MTHFD2L: variants seen among roughly 807,000 people sequenced by gnomAD.
The protein encoded by MTHFD2L is bifunctional methylenetetrahydrofolate dehydrogenase/cyclohydrolase 2, mitochondrial.
MTHFD2L carries 29 observed loss-of-function variants against 34.9 expected under a neutral mutation model. That is an observed-to-expected ratio of 0.83 (90% CI 0.62 to 1.13). The LOEUF (loss-of-function observed/expected upper bound fraction) is 1.13. MTHFD2L is among the 50% of genes most tolerant of loss of function. The probability of loss-of-function intolerance (pLI) is 0.00; values close to 1 mark genes in which losing one functional copy is unlikely to be tolerated. For synonymous variants in MTHFD2L, 167 were observed against 155.7 expected, an observed-to-expected ratio of 1.07 and a Z score of -0.54; for missense variants, 481 against 446.5, an observed-to-expected ratio of 1.08 and a Z score of -0.70.
intron 5 of MTHFD2L, chr4:74,223,955 T>C (rs1039899135): frequency 1.3e-5 from 2 of 152,116 alleles, no homozygotes; most frequent in African/African-American, 4.8e-5. Context: ...CTGGGTTTGC[T>C]CTTGCATAAT....
At chr4:74,127,034 G>T (rs1578220543) in intron 1 of MTHFD2L, among the ~76,000 whole-genome samples, 1 of 152,174 alleles carries the variant, frequency 6.6e-6, no homozygotes, top group South Asian at 2.1e-4. Context: ...CCTTTGACTT[G>T]GCACTCATTC....
intron 1 of MTHFD2L, among the ~76,000 whole-genome samples, chr4:74,134,239 G>T (rs924432299): frequency 2.0e-5 from 3 of 152,106 alleles, no homozygotes; most frequent in African/African-American, 7.2e-5. Context: ...ATCCTCAGCC[G>T]TAAAAACTCC....
chr4:74,283,958 A>G (rs538397963), intron 7 of MTHFD2L, among the ~76,000 whole-genome samples: 4 of 152,200 alleles, frequency 2.6e-5, no homozygotes, highest in African/African-American at 4.8e-5. Flanking sequence ...CACAAAACTC[A>G]TAAGTAACAT....
intron 5 of MTHFD2L, among the ~76,000 whole-genome samples, chr4:74,203,946 G>A (rs999930599): frequency 5.3e-5 from 8 of 151,166 alleles, no homozygotes; most frequent in African/African-American, 1.2e-4. Flanking sequence ...AACATAACAA[G>A]CAACAGTGTA....
At chr4:74,237,243 C>A (rs898271847) in intron 6 of MTHFD2L, among the ~76,000 whole-genome samples, 1 of 152,210 alleles carries the variant, frequency 6.6e-6, no homozygotes, top group Non-Finnish European at 1.5e-5. Flanking sequence ...TGACCTCCAG[C>A]AGCCAGGACC....
intron 6 of MTHFD2L, among the ~76,000 whole-genome samples, chr4:74,279,970 T>C (rs1237234545): frequency 2.0e-5 from 3 of 152,096 alleles, no homozygotes; most frequent in Non-Finnish European, 4.4e-5. Context: ...AAAATCATGT[T>C]ACAAGGTGAC....
chr4:74,191,010 C>T lies in MTHFD2L; in HGVS notation c.452-8784C>T, dbSNP rs142791841. On this transcript the variant is annotated intron_variant, in intron 3 of 7. Coordinates refer to ENST00000325278, the MANE Select transcript of MTHFD2L (RefSeq NM_001144978.3). ...CTGCCTCCTGGGTTCAAGTGATTCT[C>T]CTGACTCAGCTTCCTGAGTAGCTGG... 1.8e-3 allele frequency among the ~76,000 whole-genome samples: 272 copies of T among 152,202 alleles called. 1 individual carries two copies. Among genetic ancestry groups the T allele is most frequent in the African/African-American group, 5.5e-3 (230 of 41,518 alleles).
intron 1 of MTHFD2L, among the ~76,000 whole-genome samples, chr4:74,165,576 T>C (rs1445776413): frequency 1.3e-5 from 2 of 152,198 alleles, no homozygotes; most frequent in East Asian, 3.8e-4. Flanking sequence ...CAGGCTGGTC[T>C]TGAACTCCTG....
At chr4:74,295,140 C>T (rs1281596203) in intron 7 of MTHFD2L, among the ~76,000 whole-genome samples, 2 of 152,062 alleles carry the variant, frequency 1.3e-5, no homozygotes, top group African/African-American at 4.8e-5. Context: ...CTACAGCTAC[C>T]ATCACCCAAC....
At chr4:74,165,087 G>T (rs964330167) in intron 1 of MTHFD2L, 1 of 511,568 alleles carries the variant, frequency 2.0e-6, no homozygotes, top group Non-Finnish European at 2.5e-6. Context: ...GTAAAAAGGG[G>T]CACGAATGTA....
intron 6 of MTHFD2L, among the ~76,000 whole-genome samples, chr4:74,251,093 T>C: frequency 6.6e-6 from 1 of 152,202 alleles, no homozygotes; most frequent in East Asian, 1.9e-4. Flanking sequence ...ATCTGAGTGA[T>C]GAACTCTAAG....
intron 7 of MTHFD2L, among the ~76,000 whole-genome samples, chr4:74,290,945 A>G (rs1049443720): frequency 1.2e-4 from 18 of 149,172 alleles, no homozygotes; most frequent in Non-Finnish European, 2.4e-4. Context: ...AGTTGTTCCT[A>G]ACTAGATTGG....
chr4:74,149,525 A>T (rs140713821), intron 1 of MTHFD2L, among the ~76,000 whole-genome samples: 23 of 152,360 alleles, frequency 1.5e-4, no homozygotes, highest in African/African-American at 5.3e-4. Flanking sequence ...TGTTAAACTC[A>T]AATAACAAAA....
At chr4:74,210,406 A>G (rs1736096548) in intron 5 of MTHFD2L, among the ~76,000 whole-genome samples, 1 of 152,288 alleles carries the variant, frequency 6.6e-6, no homozygotes, top group Non-Finnish European at 1.5e-5. Context: ...TTTTCTGCAT[A>G]TGGCTAGCCA....
intron 6 of MTHFD2L, among the ~76,000 whole-genome samples, chr4:74,272,167 A>G (rs903896106): frequency 6.6e-6 from 1 of 152,198 alleles, no homozygotes; most frequent in Non-Finnish European, 1.5e-5. Flanking sequence ...AGAAAGAGAT[A>G]AATCAGGACA....
chr4:74,148,314 G>T (rs1578257182), intron 1 of MTHFD2L, among the ~76,000 whole-genome samples: 1 of 9,016 alleles, frequency 1.1e-4, no homozygotes, highest in Admixed American at 1.6e-3. Context: ...GCTATTTGTG[G>T]TCCCCCCCTT....
intron 3 of MTHFD2L, among the ~76,000 whole-genome samples, chr4:74,185,565 C>T (rs1731065365): frequency 6.6e-6 from 1 of 152,098 alleles, no homozygotes; most frequent in South Asian, 2.1e-4. Context: ...AGAATAGATA[C>T]AACTGACCAA....
At position 74,199,647 on chromosome 4, in the gene MTHFD2L, A is replaced by AAATAAT. The variant is rs375652920; in HGVS notation, c.452-128_452-123dup. 2.9e-3 allele frequency: 1,951 copies of AAATAAT among 664,682 alleles called. 19 individuals carry two copies. The highest frequency in any genetic ancestry group is 0.02 in the African/African-American group (1,065 of 52,776). The allele number at this position is 664,682 out of a possible 1,614,324, so 41.2% of individuals were successfully genotyped here. A position where few individuals can be genotyped will look rare whatever the true frequency, so the allele number is the denominator to read the frequency against. On this transcript the variant is annotated intron_variant, in intron 3 of 7. Coordinates refer to ENST00000325278, the MANE Select transcript of MTHFD2L (RefSeq NM_001144978.3). ...CACTTTGGCTTACTATTTTGGTGGC[A>AAATAAT]AATAATAATAATAATAATAATAATG... is the stretch of plus-strand genomic sequence containing the variant.
At chr4:74,153,289 T>C (rs1724054986), upstream of MTHFD2L, among the ~76,000 whole-genome samples, 1 of 152,180 alleles carries the variant, frequency 6.6e-6, no homozygotes, top group African/African-American at 2.4e-5. Context: ...TGCTATATAG[T>C]GAAAAGATAA....
Sources: allele counts gnomAD v4.1 joint callset (sites outside exome capture counted in the v4.1 genomes callset), GRCh38; gene constraint gnomAD v4.1.1; transcripts MANE v1.5; gene names NCBI Gene and HGNC (gene_info 2026-07-23, HGNC 2026-07-21).